RALGAPA2: variants seen among roughly 807,000 people sequenced by gnomAD.
The protein encoded by RALGAPA2 is Ral GTPase activating protein catalytic subunit alpha 2.
In RALGAPA2, 139 loss-of-function variants were observed where a neutral mutation model predicts 230.4. That is an observed-to-expected ratio of 0.60 (90% CI 0.53 to 0.69). The LOEUF is 0.69. Ranked by LOEUF, RALGAPA2 falls within the 30% of genes least tolerant of loss-of-function variation. RALGAPA2 has a pLI of 0.00. For missense variants in RALGAPA2, 2,163 were observed against 2,276.0 expected (o/e 0.95, Z 1.01); for synonymous variants, 847 against 837.8 (o/e 1.01, Z -0.19).
intron 38 of RALGAPA2, among the ~76,000 whole-genome samples, chr20:20,406,800 T>A (rs925072071): frequency 6.6e-6 from 1 of 152,116 alleles, no homozygotes; most frequent in Non-Finnish European, 1.5e-5. Flanking sequence ...TAGTTCCAGC[T>A]ACTCAGGAGG....
intron 37 of RALGAPA2, among the ~76,000 whole-genome samples, chr20:20,450,700 A>T (rs1012091532): frequency 2.6e-5 from 4 of 152,002 alleles, no homozygotes; most frequent in Non-Finnish European, 5.9e-5. Context: ...GGTTGTCGCC[A>T]AGAGTGAGAA....
At chr20:20,643,985 A>G (rs1048424193) in intron 4 of RALGAPA2, among the ~76,000 whole-genome samples, 1 of 152,196 alleles carries the variant, frequency 6.6e-6, no homozygotes, top group Non-Finnish European at 1.5e-5. Flanking sequence ...TTGGTCCATC[A>G]ATAAATCCTC....
chr20:20,643,706 C>T (rs1449365768), intron 4 of RALGAPA2, among the ~76,000 whole-genome samples, 157 bp from the exon 5 acceptor site: 2 of 152,204 alleles, frequency 1.3e-5, no homozygotes, highest in South Asian at 2.1e-4. Flanking sequence ...GAGGGAAAGA[C>T]GTTTTCAAGA....
intron 37 of RALGAPA2, among the ~76,000 whole-genome samples, chr20:20,425,683 C>T (rs987484776): frequency 2.0e-5 from 3 of 152,182 alleles, no homozygotes; most frequent in African/African-American, 7.2e-5. Context: ...GAGTGGTACG[C>T]TGGGTTGCAA....
intron 35 of RALGAPA2, among the ~76,000 whole-genome samples, chr20:20,501,293 T>C (rs926153685): frequency 1.6e-4 from 24 of 152,256 alleles, no homozygotes; most frequent in African/African-American, 5.8e-4. Context: ...ACACTGAAAA[T>C]CTGTTGTTTA....
intron 36 of RALGAPA2, among the ~76,000 whole-genome samples, chr20:20,484,310 T>A (rs1454038053): frequency 1.3e-5 from 2 of 152,192 alleles, no homozygotes. Context: ...AAATGTCTTC[T>A]TGTGTGTTCT....
At chr20:20,425,333 G>A (rs770511187) in intron 37 of RALGAPA2, among the ~76,000 whole-genome samples, 11 of 151,982 alleles carry the variant, frequency 7.2e-5, no homozygotes, top group East Asian at 1.9e-4. Context: ...GATTTTCTTC[G>A]TTTTTCATTT....
chr20:20,674,830 A>G (rs1338254745), intron 3 of RALGAPA2, among the ~76,000 whole-genome samples: 7 of 152,232 alleles, frequency 4.6e-5, no homozygotes, highest in Admixed American at 4.6e-4. Flanking sequence ...ATGTGTGGCA[A>G]AGCCATTTTT....
rs150646683 is a variant in RALGAPA2, at chr20:20,459,097, A to G, written c.5495+13732T>C. ...AAGTTTTGTTTCCGGCTATGAAACC[A>G]AGTTATCAAAATACACTGAGCTTAG... On this transcript the variant is annotated intron_variant, in intron 37 of 39. Coordinates refer to ENST00000202677, the MANE Select transcript of RALGAPA2 (RefSeq NM_020343.4). 4.9e-3 allele frequency among the ~76,000 whole-genome samples: 742 copies of G among 152,026 alleles called. 3 individuals carry two copies. The highest frequency in any genetic ancestry group is 0.018 in the South Asian group (89 of 4,820).
At chr20:20,518,531 G>A (rs1476483544) in intron 31 of RALGAPA2, among the ~76,000 whole-genome samples, 1 of 152,096 alleles carries the variant, frequency 6.6e-6, no homozygotes, top group Non-Finnish European at 1.5e-5. Flanking sequence ...ACACCAATAT[G>A]TTTTTAAGCA....
In RALGAPA2 at chr20:20,676,248, G is replaced by A; in HGVS notation, c.258C>T (p.Leu86=). 6.4e-7 allele frequency: 1 copy of A among 1,553,668 alleles called. No homozygotes were observed. The highest frequency in any genetic ancestry group is 8.8e-7 in the Non-Finnish European group (1 of 1,134,354). ...CATCAAAACTTACTTCAAAAAGGAA[G>A]AGGATGGAGTCCAGCTCCTCCCTTT... is the stretch of plus-strand genomic sequence containing the variant. ...KSQREELDSI[L]FLFEKILQFL... The change falls in exon 3 of 40, where the codon CTC becomes CTT. Residue 86 remains leucine, a synonymous_variant. Coordinates refer to ENST00000202677, the MANE Select transcript of RALGAPA2 (RefSeq NM_020343.4).
chr20:20,554,916 G>T (rs762491235), intron 23 of RALGAPA2, among the ~76,000 whole-genome samples: 4 of 152,188 alleles, frequency 2.6e-5, no homozygotes, highest in Non-Finnish European at 5.9e-5. Flanking sequence ...AAGCACAAAA[G>T]ATTTTAATTT....
chr20:20,495,071 T>C lies in RALGAPA2; in HGVS notation c.5367+46A>G, dbSNP rs547301012. The C allele has an allele frequency of 1.6e-5, 23 of 1,454,484 alleles. No individual in the cohort carries two copies. In the South Asian group the frequency reaches 3.2e-4, roughly 20 times the overall value. The allele number at this position is 1,454,484 out of a possible 1,614,324, so 90.1% of individuals were successfully genotyped here. A position where few individuals can be genotyped will look rare whatever the true frequency, so the allele number is the denominator to read the frequency against. On this transcript the variant is annotated intron_variant, in intron 36 of 39. Transcript: ENST00000202677. The stretch of plus-strand genomic sequence containing the variant: ...TGATTTTCAATGACAATGAATCACA[T>C]GGCAAATGCTTTATGAGTCAGTACA...
intron 1 of RALGAPA2, among the ~76,000 whole-genome samples, chr20:20,702,052 A>AAAAG (rs1323633284): frequency 3.3e-5 from 5 of 151,946 alleles, no homozygotes; most frequent in Non-Finnish European, 5.9e-5. Context: ...TAAAAAAAAA[A>AAAAG]AAAGAAAGAA....
chr20:20,502,159 C>T (rs1331935966), intron 35 of RALGAPA2, among the ~76,000 whole-genome samples: 1 of 152,138 alleles, frequency 6.6e-6, no homozygotes. Context: ...AGGGTTGCCA[C>T]AAATATCCAA....
intron 37 of RALGAPA2, among the ~76,000 whole-genome samples, chr20:20,449,645 C>CT (rs11476736): frequency 5.3e-5 from 8 of 150,372 alleles, no homozygotes; most frequent in Admixed American, 2.0e-4. Flanking sequence ...AAGCCCTTAA[C>CT]TTTTTTTTTT....
chr20:20,688,574 G>C (rs1227203378), intron 1 of RALGAPA2, among the ~76,000 whole-genome samples: 1 of 152,154 alleles, frequency 6.6e-6, no homozygotes, highest in Non-Finnish European at 1.5e-5. Flanking sequence ...ATCCCCACAA[G>C]TCAGTTCACA....
chr20:20,698,431 C>T (rs1240719357), intron 1 of RALGAPA2, among the ~76,000 whole-genome samples: 1 of 152,054 alleles, frequency 6.6e-6, no homozygotes, highest in Non-Finnish European at 1.5e-5. Flanking sequence ...CGCTCTGTCA[C>T]CAGACTGGAG....
At chr20:20,614,575 GGC>G (rs1293515540) in intron 13 of RALGAPA2, among the ~76,000 whole-genome samples, 12 of 152,026 alleles carry the variant, frequency 7.9e-5, no homozygotes, top group African/African-American at 2.7e-4. Flanking sequence ...TGTTTAACTT[GGC>G]AAATAGTGCT....
Sources: allele counts gnomAD v4.1 joint callset (sites outside exome capture counted in the v4.1 genomes callset), GRCh38; gene constraint gnomAD v4.1.1; transcripts MANE v1.5; gene names NCBI Gene and HGNC (gene_info 2026-07-23, HGNC 2026-07-21).